Variants in TTC29 observed in about 807,000 individuals in gnomAD.
TTC29 encodes tetratricopeptide repeat protein 29.
In TTC29, 49 loss-of-function variants were observed where a neutral mutation model predicts 58.1. The observed-to-expected ratio is 0.84, with a 90% CI of 0.67 to 1.07. The LOEUF is 1.07. Among genes scored for constraint, TTC29 ranks in the 50% least tolerant of loss-of-function variants. The pLI, the probability that TTC29 is intolerant of heterozygous loss-of-function variation, is 0.00. For missense variants in TTC29, 582 were observed against 555.6 expected, an observed-to-expected ratio of 1.05 and a Z score of -0.48; for synonymous variants, 209 against 196.8, an observed-to-expected ratio of 1.06 and a Z score of -0.52.
At chr4:146,908,599 C>CTTCTGAGT (rs1733681517) in intron 5 of TTC29, among the ~76,000 whole-genome samples, 2 of 152,006 alleles carry the variant, frequency 1.3e-5, no homozygotes, top group Non-Finnish European at 2.9e-5. Flanking sequence ...ACTTCTTGAC[C>CTTCTGAGT]CAAACTTCAA....
chr4:146,907,455 T>A (rs894178611), intron 5 of TTC29, among the ~76,000 whole-genome samples: 4 of 152,182 alleles, frequency 2.6e-5, no homozygotes, highest in African/African-American at 9.6e-5. Flanking sequence ...AATATCACTG[T>A]AGAATTTTGG....
intron 4 of TTC29, among the ~76,000 whole-genome samples, chr4:146,932,152 C>T (rs946288637): frequency 1.3e-5 from 2 of 152,106 alleles, no homozygotes. Context: ...TCTCTCTTCC[C>T]ATCTGCATTC....
At chr4:146,720,058 G>T (rs1400130964) in intron 11 of TTC29, among the ~76,000 whole-genome samples, 1 of 152,076 alleles carries the variant, frequency 6.6e-6, no homozygotes, top group Non-Finnish European at 1.5e-5. Context: ...AGATGAATGT[G>T]TCTAAGAGTA....
intron 9 of TTC29, among the ~76,000 whole-genome samples, chr4:146,829,806 T>C (rs1019439373): frequency 2.6e-5 from 4 of 152,170 alleles, no homozygotes; most frequent in Non-Finnish European, 5.9e-5. Context: ...ACAATTGGTA[T>C]GGAATAAACC....
At chr4:146,835,892 A>G (rs1024262987) in intron 8 of TTC29, among the ~76,000 whole-genome samples, 1 of 152,154 alleles carries the variant, frequency 6.6e-6, no homozygotes, top group African/African-American at 2.4e-5. Flanking sequence ...CTCCTATCCC[A>G]CACCACTGTG....
chr4:146,795,366 C>T (rs1183835155), intron 11 of TTC29, among the ~76,000 whole-genome samples: 1 of 152,100 alleles, frequency 6.6e-6, no homozygotes, highest in Non-Finnish European at 1.5e-5. Flanking sequence ...CCCAGCATTT[C>T]CTATACTGGG....
In TTC29 at chr4:146,813,392, C is replaced by T. The variant is rs556322343; in HGVS notation, c.1101+6733G>A. Among the ~76,000 whole-genome samples, 17 of 152,178 alleles carry T rather than the reference C, an allele frequency of 1.1e-4. No individual in the cohort carries two copies. The South Asian group carries it at 2.5e-3, about 22-fold the overall frequency. On this transcript the variant is annotated intron_variant, in intron 10 of 12. Coordinates refer to ENST00000325106, the MANE Select transcript of TTC29 (RefSeq NM_031956.4). ...TCAATTAACAGTCCATCAAAAGACC[C>T]GGAGGGTAGGATGAGTGGTCCATTT...
intron 4 of TTC29, among the ~76,000 whole-genome samples, chr4:146,936,970 T>G (rs1735882303): frequency 6.6e-6 from 1 of 152,044 alleles, no homozygotes; most frequent in Admixed American, 6.5e-5. Context: ...GTAAGAAATA[T>G]TAAACTTGTT....
At chr4:146,938,576 T>C (rs1736066512) in intron 3 of TTC29, among the ~76,000 whole-genome samples, 1 of 152,150 alleles carries the variant, frequency 6.6e-6, no homozygotes. Context: ...AACAAAAATA[T>C]GTATGTATAT....
Position 146,707,600 on chromosome 4 carries a change from T to C in TTC29, c.1331-49A>G, listed in dbSNP as rs751416102. The C allele has an allele frequency of 1.8e-5, 25 of 1,367,692 alleles. No individual in the cohort carries two copies. In the South Asian group the frequency reaches 2.4e-4, roughly 13 times the overall value. 84.7% of individuals were successfully genotyped at this position (1,367,692 alleles called of 1,614,324 possible). ...AATAGATTATCATGAACACAGTTTA[T>C]AGTTATTTTGATCTTGAACCTGGGA... On this transcript the variant is annotated intron_variant, in intron 11 of 12. Coordinates refer to ENST00000325106, the MANE Select transcript of TTC29 (RefSeq NM_031956.4).
intron 8 of TTC29, among the ~76,000 whole-genome samples, chr4:146,848,659 GC>G (rs560325682): frequency 7.2e-5 from 11 of 152,142 alleles, no homozygotes; most frequent in Non-Finnish European, 1.2e-4. Flanking sequence ...TATATTTGGT[GC>G]TTTTGAATTA....
intron 11 of TTC29, among the ~76,000 whole-genome samples, chr4:146,774,518 T>A (rs1465277749): frequency 6.6e-6 from 1 of 152,184 alleles, no homozygotes; most frequent in African/African-American, 2.4e-5. Flanking sequence ...TTCCATGTAA[T>A]TGTATGGCTT....
At chr4:146,909,968 G>T (rs556678802) in intron 4 of TTC29, among the ~76,000 whole-genome samples, 6 of 151,966 alleles carry the variant, frequency 3.9e-5, no homozygotes, top group Non-Finnish European at 8.8e-5. Flanking sequence ...GTAAGCAAAT[G>T]AGAAATAATT....
At chr4:146,908,883 C>G in intron 5 of TTC29, 143 bp downstream of exon 5, 1 of 719,492 alleles carries the variant, frequency 1.4e-6, no homozygotes, top group South Asian at 1.9e-5. Context: ...TCCTTAATTC[C>G]ATAAAGACGT....
At chr4:146,820,090 A>T (rs770265380) in intron 10 of TTC29, 35 bp downstream of exon 10, 2 of 1,607,964 alleles carry the variant, frequency 1.2e-6, no homozygotes, top group African/African-American at 1.3e-5. Context: ...TAAACACCGC[A>T]AATTTCTCTA....
intron 11 of TTC29, among the ~76,000 whole-genome samples, chr4:146,742,700 T>TC (rs1301215889): frequency 6.9e-5 from 3 of 43,276 alleles, no homozygotes; most frequent in East Asian, 1.5e-3. Flanking sequence ...CTCCTCCCCC[T>TC]CCCCCCTTCC....
intron 11 of TTC29, among the ~76,000 whole-genome samples, chr4:146,707,974 C>A (rs1389911145): frequency 6.6e-6 from 1 of 151,968 alleles, no homozygotes; most frequent in Non-Finnish European, 1.5e-5. Flanking sequence ...GACTGCCATG[C>A]TGGAATGGCC....
At chr4:146,785,101 CTG>C (rs370749136) in intron 11 of TTC29, among the ~76,000 whole-genome samples, 11 of 150,500 alleles carry the variant, frequency 7.3e-5, no homozygotes, top group African/African-American at 7.3e-5. Flanking sequence ...GTGTGTGTCT[CTG>C]TGTGTGTGTG....
intron 9 of TTC29, among the ~76,000 whole-genome samples, chr4:146,820,985 T>C (rs1751777856): frequency 6.7e-6 from 1 of 149,646 alleles, no homozygotes; most frequent in South Asian, 2.1e-4. Context: ...TGAGCTGAGA[T>C]CACAGCCTGG....
Sources: gnomAD v4.1 joint callset for allele counts (sites outside exome capture counted in the v4.1 genomes callset) on GRCh38, gnomAD v4.1.1 for gene constraint, MANE v1.5 for transcripts, NCBI Gene and HGNC (gene_info 2026-07-23, HGNC 2026-07-21) for gene names.